Variants in TGFBR1 observed in about 807,000 individuals in gnomAD.
The protein encoded by TGFBR1 is transforming growth factor beta receptor 1.
A neutral mutation model predicts 55.1 loss-of-function variants in TGFBR1; 20 were observed. The ratio of observed to expected loss-of-function variants is 0.36; its 90% CI spans 0.26 to 0.53. The LOEUF is 0.53. Ranked by LOEUF, TGFBR1 falls within the 20% of genes least tolerant of loss-of-function variation. The pLI is 0.91. For missense variants in TGFBR1, 385 were observed against 617.6 expected (o/e 0.62, Z 3.99); for synonymous variants, 220 against 214.8 (o/e 1.02, Z -0.21).
At chr9:99,115,311 T>C (rs1410421912) in intron 1 of TGFBR1, among the ~76,000 whole-genome samples, 2 of 152,188 alleles carry the variant, frequency 1.3e-5, no homozygotes, top group Admixed American at 6.5e-5. Context: ...TCCATCTAGA[T>C]TTCCTAGGTG....
At chr9:99,111,283 C>T (rs943836931) in intron 1 of TGFBR1, among the ~76,000 whole-genome samples, 1 of 145,368 alleles carries the variant, frequency 6.9e-6, no homozygotes, top group East Asian at 2.0e-4. Context: ...TTTGGCATAT[C>T]CTGCACCCAT....
upstream of TGFBR1, among the ~76,000 whole-genome samples, chr9:99,104,892 G>T (rs1826353299): frequency 6.6e-6 from 1 of 152,050 alleles, no homozygotes; most frequent in Admixed American, 6.5e-5. Flanking sequence ...GATCGGGCCG[G>T]GGCTGGGGTC....
chr9:99,134,802 T>TTATATATATATA (rs10625219), intron 3 of TGFBR1, among the ~76,000 whole-genome samples: 52 of 41,340 alleles, frequency 1.3e-3, no homozygotes, highest in Non-Finnish European at 1.4e-3. Context: ...TCTGTTTCCA[T>TTATATATATATA]TATATATATA....
chr9:99,136,078 C>T (rs1024367485), intron 3 of TGFBR1, among the ~76,000 whole-genome samples: 2 of 152,132 alleles, frequency 1.3e-5, no homozygotes, highest in Admixed American at 1.3e-4. Context: ...TGATCTTGAA[C>T]TCCTGATCTC....
intron 6 of TGFBR1, among the ~76,000 whole-genome samples, chr9:99,145,399 C>T (rs530049013): frequency 2.0e-5 from 3 of 152,314 alleles, no homozygotes; most frequent in Admixed American, 2.0e-4. Context: ...TCTTAGGAGT[C>T]CCTGCCAGGG....
chr9:99,107,350 C>T (rs1453175438), intron 1 of TGFBR1, among the ~76,000 whole-genome samples: 2 of 152,202 alleles, frequency 1.3e-5, no homozygotes, highest in East Asian at 3.8e-4. Flanking sequence ...TTTTAATGTT[C>T]TCTGCCCAAC....
chr9:99,105,036 C>A, upstream of TGFBR1: 1 of 429,838 alleles, frequency 2.3e-6, no homozygotes, highest in Non-Finnish European at 3.2e-6. Flanking sequence ...GGCGGGGAGG[C>A]GGGGCCGGCG....
intron 4 of TGFBR1, among the ~76,000 whole-genome samples, chr9:99,139,159 C>T (rs1023656090): frequency 6.6e-6 from 1 of 151,746 alleles, no homozygotes; most frequent in African/African-American, 2.4e-5. Flanking sequence ...TCTTGTCATC[C>T]CTACCCCTGA....
At chr9:99,114,650 G>T (rs1826681973) in intron 1 of TGFBR1, among the ~76,000 whole-genome samples, 1 of 152,228 alleles carries the variant, frequency 6.6e-6, no homozygotes, top group African/African-American at 2.4e-5. Flanking sequence ...AACAGCTGAT[G>T]TAAGGCTAGG....
chr9:99,105,528 G>T (rs1289683804), intron 1 of TGFBR1, among the ~76,000 whole-genome samples: 1 of 150,850 alleles, frequency 6.6e-6, no homozygotes, highest in Non-Finnish European at 1.5e-5. Context: ...GCGGGCGGAC[G>T]TGTCCGGCTG....
chr9:99,140,041 C>T (rs1827562239), intron 4 of TGFBR1, among the ~76,000 whole-genome samples: 1 of 152,178 alleles, frequency 6.6e-6, no homozygotes, highest in Admixed American at 6.5e-5. Context: ...TTATATACAT[C>T]CTATTGCATC....
intron 1 of TGFBR1, among the ~76,000 whole-genome samples, chr9:99,120,050 A>G (rs899956274): frequency 6.6e-5 from 10 of 152,242 alleles, no homozygotes; most frequent in African/African-American, 2.4e-4. Context: ...GCACTGTGCT[A>G]AGTATTCTAT....
chr9:99,104,804 G>A (rs1200954388), upstream of TGFBR1, among the ~76,000 whole-genome samples: 1 of 152,128 alleles, frequency 6.6e-6, no homozygotes, highest in Admixed American at 6.5e-5. Flanking sequence ...CGCTCTACCC[G>A]GCCCTCCGGG....
rs1310881632 is a variant in TGFBR1, at chr9:99,144,722, G to T, written c.974-10G>T. On this transcript the variant is annotated splice_polypyrimidine_tract_variant and intron_variant, in intron 5 of 8. Coordinates refer to ENST00000374994, the MANE Select transcript of TGFBR1 (RefSeq NM_004612.4). Reference sequence around the variant, plus strand: ...TTTTAAGCAGTCATGTTTAATTTTTGATTCTTTAGGAAAGCCAGCCATTGC... The same window carrying T: ...TTTTAAGCAGTCATGTTTAATTTTTTATTCTTTAGGAAAGCCAGCCATTGC... 1 of 1,613,226 alleles carries T rather than the reference G, an allele frequency of 6.2e-7. No individual in the cohort carries two copies. Among genetic ancestry groups the T allele is most frequent in the Admixed American group, 1.7e-5 (1 of 59,982 alleles).
chr9:99,108,021 A>G (rs755758129), intron 1 of TGFBR1, among the ~76,000 whole-genome samples: 3 of 152,210 alleles, frequency 2.0e-5, no homozygotes, highest in South Asian at 2.1e-4. Context: ...AATGCGTTAT[A>G]GGTACCCAGA....
chr9:99,115,886 A>G (rs1048467687), intron 1 of TGFBR1, among the ~76,000 whole-genome samples: 3 of 152,182 alleles, frequency 2.0e-5, no homozygotes, highest in African/African-American at 7.2e-5. Context: ...CATTTGGGAA[A>G]AAAATTACAA....
At chr9:99,118,084 A>T (rs1235150044) in intron 1 of TGFBR1, among the ~76,000 whole-genome samples, 1 of 152,128 alleles carries the variant, frequency 6.6e-6, no homozygotes, top group Non-Finnish European at 1.5e-5. Context: ...TGTTAGGTTT[A>T]TTCCTAGTTT....
Position 99,149,324 on chromosome 9 carries a change from A to C in TGFBR1, c.*19A>C. On this transcript the variant is annotated 3_prime_UTR_variant, in exon 9 of 9. Coordinates refer to ENST00000374994, the MANE Select transcript of TGFBR1 (RefSeq NM_004612.4). The stretch of plus-strand genomic sequence containing the variant: ...AATGTAATTCTACAGCTTTGCCTGA[A>C]CTCTCCTTTTTTCTTCAGATCTGCT... 1 of 1,613,096 alleles carries C rather than the reference A, an allele frequency of 6.2e-7. No individual in the cohort carries two copies. The highest frequency in any genetic ancestry group is 2.2e-5 in the East Asian group (1 of 44,832).
intron 8 of TGFBR1, among the ~76,000 whole-genome samples, chr9:99,148,025 G>A (rs1420454344): frequency 6.6e-6 from 1 of 152,166 alleles, no homozygotes; most frequent in Non-Finnish European, 1.5e-5. Context: ...TCTGCCGGGC[G>A]AACTAAGGCA....
Sources: allele counts gnomAD v4.1 joint callset (sites outside exome capture counted in the v4.1 genomes callset), GRCh38; gene constraint gnomAD v4.1.1; transcripts MANE v1.5; gene names NCBI Gene and HGNC (gene_info 2026-07-23, HGNC 2026-07-21).